KHDRBS2: variants seen among roughly 807,000 people sequenced by gnomAD.
KHDRBS2 encodes KH domain-containing, RNA-binding, signal transduction-associated protein 2.
A neutral mutation model predicts 44.3 loss-of-function variants in KHDRBS2; 26 were observed. The observed-to-expected ratio is 0.59, with a 90% CI of 0.43 to 0.81. The LOEUF is 0.81. Ranked by LOEUF, KHDRBS2 falls within the 40% of genes least tolerant of loss-of-function variation. The pLI is 0.00. For missense variants in KHDRBS2, 476 were observed against 433.1 expected (o/e 1.10, Z -0.88); for synonymous variants, 194 against 151.1 (o/e 1.28, Z -2.08).
chr6:61,813,268 C>T (rs1428072763), intron 6 of KHDRBS2, among the ~76,000 whole-genome samples: 1 of 152,122 alleles, frequency 6.6e-6, no homozygotes, highest in Non-Finnish European at 1.5e-5. Context: ...ATAGACTACT[C>T]TGATGGAAGA....
At chr6:61,820,118 C>T (rs187608644) in intron 6 of KHDRBS2, among the ~76,000 whole-genome samples, 12 of 152,068 alleles carry the variant, frequency 7.9e-5, no homozygotes, top group Non-Finnish European at 1.5e-4. Context: ...CTTGTCTGAG[C>T]CAGAAAGAAA....
At chr6:61,569,413 A>G in the KHDRBS2 span, among the ~76,000 whole-genome samples, 1 of 152,258 alleles carries the variant, frequency 6.6e-6, no homozygotes, top group Middle Eastern at 3.4e-3. Flanking sequence ...GCAAGCTTAG[A>G]TCCCCCTATT....
intron 6 of KHDRBS2, among the ~76,000 whole-genome samples, chr6:61,862,404 A>C (rs967908045): frequency 6.6e-6 from 1 of 152,112 alleles, no homozygotes; most frequent in Non-Finnish European, 1.5e-5. Context: ...GCAGGTTTTC[A>C]AGAGGAATGC....
chr6:62,017,790 T>A (rs1023478633), intron 3 of KHDRBS2, among the ~76,000 whole-genome samples: 1 of 152,120 alleles, frequency 6.6e-6, no homozygotes, highest in African/African-American at 2.4e-5. Flanking sequence ...TTCTAAAGTA[T>A]AAGTAAGTGG....
chr6:61,821,695 C>G (rs1406916150), intron 6 of KHDRBS2, among the ~76,000 whole-genome samples: 2 of 151,704 alleles, frequency 1.3e-5, no homozygotes, highest in Admixed American at 6.6e-5. Flanking sequence ...TTTTTTTTTC[C>G]ACTTATAAGC....
rs183402117 is a variant in KHDRBS2, at chr6:61,811,027, C to T, written c.811-78263G>A. Reference sequence around the variant, plus strand: ...TGTTACAGGGGTATATTGTATGATACTGAGGCTTGGGCTTCTATTTATCCT... The same window carrying T: ...TGTTACAGGGGTATATTGTATGATATTGAGGCTTGGGCTTCTATTTATCCT... On this transcript the variant is annotated intron_variant, in intron 6 of 8. Transcript: ENST00000281156. 3.9e-5 allele frequency among the ~76,000 whole-genome samples: 6 copies of T among 152,112 alleles called. No homozygotes were observed. The East Asian group carries it at 1.2e-3, about 29-fold the overall frequency.
chr6:62,115,494 T>C (rs890552451), intron 2 of KHDRBS2, among the ~76,000 whole-genome samples: 2 of 152,198 alleles, frequency 1.3e-5, no homozygotes, highest in African/African-American at 4.8e-5. Flanking sequence ...TGCCAAGCTC[T>C]TAATCACCTT....
the KHDRBS2 span, among the ~76,000 whole-genome samples, chr6:61,545,791 G>T: frequency 6.6e-6 from 1 of 152,088 alleles, no homozygotes; most frequent in Non-Finnish European, 1.5e-5. Flanking sequence ...TCATAAGGGT[G>T]GTAGGTCTGA....
At chr6:61,873,092 T>C (rs1303728127) in intron 6 of KHDRBS2, among the ~76,000 whole-genome samples, 1 of 152,088 alleles carries the variant, frequency 6.6e-6, no homozygotes, top group Non-Finnish European at 1.5e-5. Flanking sequence ...AGAAGATTTT[T>C]ATGACCTTGG....
At chr6:61,951,958 C>T (rs1764843194) in intron 4 of KHDRBS2, among the ~76,000 whole-genome samples, 1 of 151,938 alleles carries the variant, frequency 6.6e-6, no homozygotes, top group Non-Finnish European at 1.5e-5. Context: ...GAAAGCCACT[C>T]CTTAGACCAA....
At chr6:62,225,488 T>C (rs1315611470) in intron 1 of KHDRBS2, among the ~76,000 whole-genome samples, 1 of 152,220 alleles carries the variant, frequency 6.6e-6, no homozygotes, top group Admixed American at 6.5e-5. Context: ...TTGGGATGTT[T>C]GTTTAAATAG....
intron 7 of KHDRBS2, among the ~76,000 whole-genome samples, chr6:61,718,857 A>G (rs528634346): frequency 1.3e-5 from 2 of 152,242 alleles, no homozygotes; most frequent in African/African-American, 2.4e-5. Context: ...TCCCTGGTTA[A>G]ACTCTCCACA....
intron 2 of KHDRBS2, among the ~76,000 whole-genome samples, chr6:62,055,385 T>C (rs1790033726): frequency 6.6e-6 from 1 of 151,966 alleles, no homozygotes; most frequent in East Asian, 1.9e-4. Context: ...TGACATAATT[T>C]TACACACACT....
At chr6:62,007,534 G>T (rs1779484612) in intron 3 of KHDRBS2, among the ~76,000 whole-genome samples, 1 of 151,774 alleles carries the variant, frequency 6.6e-6, no homozygotes, top group Non-Finnish European at 1.5e-5. Flanking sequence ...TAATTATCAT[G>T]CAAACTTTAA....
chr6:61,867,297 C>A (rs1325359336), intron 6 of KHDRBS2, among the ~76,000 whole-genome samples: 1 of 152,154 alleles, frequency 6.6e-6, no homozygotes, highest in Non-Finnish European at 1.5e-5. Context: ...TGAACTAAAG[C>A]CATGAGATCT....
chr6:61,638,643 T>A, the KHDRBS2 span, among the ~76,000 whole-genome samples: 1 of 152,154 alleles, frequency 6.6e-6, no homozygotes, highest in Non-Finnish European at 1.5e-5. Flanking sequence ...ATATACTTTC[T>A]TTGATGACTT....
At chr6:62,137,154 C>T (rs1056974345) in intron 2 of KHDRBS2, among the ~76,000 whole-genome samples, 7 of 151,978 alleles carry the variant, frequency 4.6e-5, no homozygotes, top group Non-Finnish European at 8.8e-5. Context: ...GCACCCGCCA[C>T]CATGCCCGGC....
At chr6:62,098,366 G>A (rs76610505) in intron 2 of KHDRBS2, among the ~76,000 whole-genome samples, 12,157 of 151,496 alleles carry the variant, frequency 0.08, 521 homozygotes, top group African/African-American at 0.1. Flanking sequence ...GTCTGGGAAA[G>A]TATTTCTCTT....
intron 2 of KHDRBS2, among the ~76,000 whole-genome samples, chr6:62,078,695 A>T (rs1796815511): frequency 6.6e-6 from 1 of 152,018 alleles, no homozygotes; most frequent in South Asian, 2.1e-4. Flanking sequence ...GAAATGTAAT[A>T]ATTATTCTAT....
Sources: gnomAD v4.1 joint callset for allele counts (sites outside exome capture counted in the v4.1 genomes callset) on GRCh38, gnomAD v4.1.1 for gene constraint, MANE v1.5 for transcripts, NCBI Gene and HGNC (gene_info 2026-07-23, HGNC 2026-07-21) for gene names.